SEC16B: variants seen among roughly 807,000 people sequenced by gnomAD.
The protein encoded by SEC16B is SEC16 homolog B, endoplasmic reticulum export factor, also known as protein transport protein Sec16B.
SEC16B carries 115 observed loss-of-function variants against 141.8 expected under a neutral mutation model. That is an observed-to-expected ratio of 0.81 (90% CI 0.70 to 0.95). The LOEUF is 0.95. Ranked by LOEUF, SEC16B falls within the 40% of genes least tolerant of loss-of-function variation. SEC16B has a pLI of 0.00. For missense variants in SEC16B, 1,291 were observed against 1,312.3 expected (o/e 0.98, Z 0.25); for synonymous variants, 493 against 492.5 (o/e 1.00, Z -0.01).
chr1:177,942,976 G>T (rs1011237331), intron 15 of SEC16B, among the ~76,000 whole-genome samples: 2 of 152,124 alleles, frequency 1.3e-5, no homozygotes, highest in African/African-American at 2.4e-5. Flanking sequence ...AGAACAAACC[G>T]CATGCAAGAG....
chr1:177,978,745 AG>A (rs370322142), intron 1 of SEC16B, among the ~76,000 whole-genome samples: 15,449 of 141,036 alleles, frequency 0.11, 1,080 homozygotes, highest in East Asian at 0.36. Context: ...ATAAATAAAT[AG>A]CATAGCAGAA....
In SEC16B at chr1:177,937,211, T is replaced by C; in HGVS notation, c.2503+3A>G. The C allele has an allele frequency of 6.2e-7, 1 of 1,607,564 alleles. No individual in the cohort carries two copies. Among genetic ancestry groups the C allele is most frequent in the Non-Finnish European group, 8.5e-7 (1 of 1,176,898 alleles). ...TGTGGCCACCCTAGCGGCCAGGTCTTACCAGGGCCCAGGTGTGTCTGCAGC... is the reference window on the plus strand; with the variant it reads ...TGTGGCCACCCTAGCGGCCAGGTCTCACCAGGGCCCAGGTGTGTCTGCAGC... On this transcript the variant is annotated splice_donor_region_variant and intron_variant, in intron 19 of 25. Transcript: ENST00000308284.
In SEC16B at chr1:177,935,276, C is replaced by G. The variant is rs1263001948; in HGVS notation, c.2571+1022G>C. On this transcript the variant is annotated intron_variant, in intron 20 of 25. Transcript: ENST00000308284. ...TTGGTCTGATGTGCTGATGCCTCCC[C>G]AGCCCCTGTGACAGGGTCTGGCACA... is the stretch of plus-strand genomic sequence containing the variant. Among the ~76,000 whole-genome samples the G allele has an allele frequency of 2.0e-5, 3 of 147,356 alleles. No individual in the cohort carries two copies. In the East Asian group the frequency reaches 5.8e-4, roughly 28 times the overall value.
intron 6 of SEC16B, 132 bp from the exon 7 acceptor site, chr1:177,961,071 G>A (rs1653026300): frequency 3.1e-6 from 3 of 955,818 alleles, no homozygotes; most frequent in Non-Finnish European, 4.7e-6. Flanking sequence ...GGTGGGTTGT[G>A]TAATTAGAAG....
At chr1:177,965,336 A>T (rs369017855) in intron 3 of SEC16B, among the ~76,000 whole-genome samples, 169 bp from the exon 4 acceptor site, 114 of 152,156 alleles carry the variant, frequency 7.5e-4, no homozygotes, top group African/African-American at 2.7e-3. Flanking sequence ...AGTCCATAGG[A>T]CGCCTCTCAG....
intron 1 of SEC16B, among the ~76,000 whole-genome samples, chr1:177,983,283 C>T (rs918482109): frequency 3.3e-5 from 5 of 152,150 alleles, no homozygotes; most frequent in Non-Finnish European, 7.3e-5. Flanking sequence ...GAATCCAGGT[C>T]CCCTGACTCC....
chr1:177,932,378 G>A, intron 24 of SEC16B, 112 bp downstream of exon 24: 1 of 750,016 alleles, frequency 1.3e-6, no homozygotes, highest in Non-Finnish European at 2.0e-6. Flanking sequence ...TAACACAGCA[G>A]AGAAGCATTC....
intron 7 of SEC16B, 55 bp downstream of exon 7, chr1:177,960,736 G>A: frequency 6.6e-7 from 1 of 1,524,066 alleles, no homozygotes; most frequent in Non-Finnish European, 8.8e-7. Context: ...AAGCATGTTA[G>A]GAGTAGTTGG....
At position 177,937,285 on chromosome 1, in the gene SEC16B, C is replaced by G. The variant is rs1650916606; in HGVS notation, c.2432G>C (p.Ser811Thr). ...VPETHLPGTG[S>T]SVAVTEATGG... is the part of the protein sequence containing the mutation. The stretch of plus-strand genomic sequence containing the variant: ...AGTGGCCTCTGTCACTGCCACGCTG[C>G]TGCCAGTCCCTGGTAGATGGGTCTC... The change falls in exon 19 of 26, where the codon AGC becomes ACC. Residue 811 changes from serine (S) to threonine (T), a missense_variant. By Grantham distance (58) the Ser-to-Thr change is moderately conservative. Coordinates refer to ENST00000308284, the MANE Select transcript of SEC16B (RefSeq NM_033127.4). The G allele has an allele frequency of 6.8e-6, 11 of 1,613,820 alleles. 1 individual carries two copies. The highest frequency in any genetic ancestry group is 1.7e-5 in the Admixed American group (1 of 59,996).
intron 5 of SEC16B, among the ~76,000 whole-genome samples, chr1:177,962,872 C>A (rs1374821756): frequency 6.6e-6 from 1 of 152,098 alleles, no homozygotes; most frequent in African/African-American, 2.4e-5. Context: ...TTTGGGAGGC[C>A]GACGCAGGAG....
Position 177,952,018 on chromosome 1 carries a change from C to T in SEC16B, c.1464-23G>A, listed in dbSNP as rs573366494. On this transcript the variant is annotated intron_variant, in intron 11 of 25. Transcript: ENST00000308284. ...AAGCTGCGGAGAGAAGGATAGTCAG[C>T]GAGGACCAAGCCCAGGGAACCTCTT... 1.1e-4 allele frequency: 177 copies of T among 1,577,636 alleles called. 1 individual carries two copies. The South Asian group carries it at 1.8e-3, about 16-fold the overall frequency.
rs148699497 is a variant in SEC16B at position 177,956,225 on chromosome 1, A to C, written c.1366-1849T>G. ...GAAACACGGCCACCTCCATTCATTT[A>C]CATATTTTCTGTGGCTGCTTTCACA... On this transcript the variant is annotated intron_variant, in intron 10 of 25. Coordinates refer to ENST00000308284, the MANE Select transcript of SEC16B (RefSeq NM_033127.4). Among the ~76,000 whole-genome samples the C allele has an allele frequency of 6.1e-3, 923 of 152,326 alleles. 12 individuals are homozygous for C. The highest frequency in any genetic ancestry group is 0.021 in the African/African-American group (886 of 41,574).
At chr1:177,955,958 T>A (rs1485191990) in intron 10 of SEC16B, among the ~76,000 whole-genome samples, 1 of 152,222 alleles carries the variant, frequency 6.6e-6, no homozygotes, top group Non-Finnish European at 1.5e-5. Flanking sequence ...AATTATAATT[T>A]ATCAGTAGAA....
intron 13 of SEC16B, 53 bp downstream of exon 13, chr1:177,947,772 G>GGTGAGGGGAGGGACAGGGAGGGGAA (rs1651839629): frequency 1.8e-6 from 2 of 1,112,104 alleles, no homozygotes; most frequent in South Asian, 1.3e-5. Flanking sequence ...AGGGAGGGGA[G>GGTGAGGGGAGGGACAGGGAGGGGAA]GGGAGGGAAG....
At chr1:177,952,261 C>T (rs545278958) in intron 11 of SEC16B, among the ~76,000 whole-genome samples, 25 of 152,278 alleles carry the variant, frequency 1.6e-4, no homozygotes, top group Admixed American at 6.5e-4. Context: ...TCTGGAATAA[C>T]CATTTCTGTG....
chr1:177,965,900 T>C lies in SEC16B; in HGVS notation c.405A>G (p.Glu135=), dbSNP rs1201798995. The C allele has an allele frequency of 1.9e-6, 3 of 1,580,912 alleles. No individual in the cohort carries two copies. Among genetic ancestry groups the C allele is most frequent in the Non-Finnish European group, 8.6e-7 (1 of 1,160,224 alleles). The part of the protein sequence containing the change: ...YYHGHPQWLQ[E]ERVPRQRSPY... ...TTGGAGACTTTTCCATACCTCTTTC[T>C]TCCTGCAGCCACTGTGGGTGTCCAT... The change falls in exon 3 of 26, where the codon GAA becomes GAG. Residue 135 remains glutamate (E), a synonymous_variant. Transcript: ENST00000308284.
Position 177,964,288 on chromosome 1 carries a change from A to AAATGACAGGGGCAGT in SEC16B, c.534-10_534-9insACTGCCCCTGTCATT. 6.2e-7 allele frequency: 1 copy of AAATGACAGGGGCAGT among 1,605,090 alleles called. No individual in the cohort carries two copies. The highest frequency in any genetic ancestry group is 8.5e-7 in the Non-Finnish European group (1 of 1,173,206). ...GGTTCCTACTGTTAGATCTGCAGCAAAATGACAGGAGCAGTGAGCGGGGTC... is the reference window on the plus strand; with the variant it reads ...GGTTCCTACTGTTAGATCTGCAGCAAAATGACAGGGGCAGTAATGACAGGAGCAGTGAGCGGGGTC... On this transcript the variant is annotated splice_polypyrimidine_tract_variant and intron_variant, in intron 4 of 25. Coordinates refer to ENST00000308284, the MANE Select transcript of SEC16B (RefSeq NM_033127.4).
chr1:177,946,129 G>T lies in SEC16B; in HGVS notation c.1775+291C>A. On this transcript the variant is annotated intron_variant, in intron 14 of 25. Transcript: ENST00000308284. ...TTTTTTAAAGGAACAAAGTTAGCTT[G>T]TGGAGCCAGGGTGCCACCCAGTGGC... 6 of 579,320 alleles carry T rather than the reference G, an allele frequency of 1.0e-5. No individual in the cohort carries two copies. The South Asian group carries it at 1.1e-4, about 11-fold the overall frequency. 35.9% of individuals were successfully genotyped at this position (579,320 alleles called of 1,614,324 possible).
At chr1:177,952,309 CA>C (rs770626196) in intron 11 of SEC16B, among the ~76,000 whole-genome samples, 1 of 152,150 alleles carries the variant, frequency 6.6e-6, no homozygotes, top group Non-Finnish European at 1.5e-5. Flanking sequence ...TCTGACATCT[CA>C]AAGGTCCCCT....
Sources: gnomAD v4.1 joint callset for allele counts (sites outside exome capture counted in the v4.1 genomes callset) on GRCh38, gnomAD v4.1.1 for gene constraint, MANE v1.5 for transcripts, NCBI Gene and HGNC (gene_info 2026-07-23, HGNC 2026-07-21) for gene names.